Variants in CSF3R observed in about 807,000 individuals in gnomAD.
CSF3R encodes granulocyte colony-stimulating factor receptor.
A neutral mutation model predicts 84.4 loss-of-function variants in CSF3R; 52 were observed. That is an observed-to-expected ratio of 0.62 (90% confidence interval 0.49 to 0.78). The LOEUF is 0.78. CSF3R is among the 30% of genes least tolerant of loss of function. The probability of loss-of-function intolerance (pLI) is 0.00; values close to 1 mark genes in which losing one functional copy is unlikely to be tolerated. For missense variants in CSF3R, 890 were observed against 1,055.7 expected (o/e 0.84, Z 2.17); for synonymous variants, 384 against 429.1 (o/e 0.89, Z 1.30).
intron 3 of CSF3R, among the ~76,000 whole-genome samples, chr1:36,478,486 G>A (rs190633880): frequency 2.6e-5 from 4 of 152,076 alleles, no homozygotes; most frequent in East Asian, 3.9e-4. Context: ...CTGAGATCCC[G>A]CTACTGTACT....
At chr1:36,473,182 T>C (rs1311735330) in intron 6 of CSF3R, 4 of 561,412 alleles carry the variant, frequency 7.1e-6, no homozygotes, top group Admixed American at 3.1e-5. Context: ...TAACATGTAG[T>C]GGGTGCTTTA....
At position 36,472,718 on chromosome 1, in the gene CSF3R, C is replaced by G; in HGVS notation, c.674-32G>C. ...GGAGTGGGGCTGTCAGAAGGTCTCC[C>G]TATCCCACCCTAGAGGGCTCTGCCT... is the stretch of plus-strand genomic sequence containing the variant. On this transcript the variant is annotated intron_variant, in intron 6 of 16. Coordinates refer to ENST00000373106, the MANE Select transcript of CSF3R (RefSeq NM_000760.4). This position sits in a 1 kb window ranked among gnomAD's most constrained non-coding sequence, Gnocchi z 5.0. 1.3e-6 allele frequency: 2 copies of G among 1,541,110 alleles called. No individual in the cohort carries two copies. The highest frequency in any genetic ancestry group is 1.8e-6 in the Non-Finnish European group (2 of 1,140,790).
In CSF3R at chr1:36,469,562, T is replaced by C. The variant is rs1021272735; in HGVS notation, c.1474+90A>G. The C allele has an allele frequency of 2.1e-6, 3 of 1,447,066 alleles. No individual in the cohort carries two copies. The South Asian group carries it at 3.4e-5, about 17-fold the overall frequency. The allele number at this position is 1,447,066 out of a possible 1,614,324, so 89.6% of individuals were successfully genotyped here. ...GAAAGGCTGGAGAATCCATGTCTCT[T>C]GGGCAGTTCAGGTTGTCCCATGCCT... On this transcript the variant is annotated intron_variant, in intron 11 of 16. Transcript: ENST00000373106.
intron 10 of CSF3R, 52 bp from the exon 11 acceptor site, chr1:36,469,892 T>C (rs776712667): frequency 5.0e-6 from 8 of 1,588,550 alleles, no homozygotes; most frequent in African/African-American, 1.3e-5. Flanking sequence ...ATGCAGGCCC[T>C]TGAGCCAGAA....
At chr1:36,471,763 G>T in intron 9 of CSF3R, 117 bp from the exon 10 acceptor site, 5 of 1,007,574 alleles carry the variant, frequency 5.0e-6, no homozygotes, top group Non-Finnish European at 6.0e-6. Context: ...TGGGGTCCAG[G>T]CTTCTCACCC....
chr1:36,466,892 T>C lies in CSF3R; in HGVS notation c.2041-65A>G, dbSNP rs750026198. 5.6e-6 allele frequency: 9 copies of C among 1,614,014 alleles called. No homozygotes were observed. In the Admixed American group the frequency reaches 1.5e-4, roughly 27 times the overall value. On this transcript the variant is annotated intron_variant, in intron 16 of 16. Transcript: ENST00000373106. This position sits in a 1 kb window ranked among gnomAD's most constrained non-coding sequence, Gnocchi z 4.6. The stretch of plus-strand genomic sequence containing the variant: ...AGATGTCTGCCCCAGCCACTGTCCC[T>C]GTCTGGGTCCGGGCAGCTGTGGGGA...
intron 13 of CSF3R, 44 bp from the exon 14 acceptor site, chr1:36,468,006 G>A (rs1348069770): frequency 2.5e-6 from 4 of 1,614,110 alleles, no homozygotes; most frequent in African/African-American, 1.3e-5. Flanking sequence ...TGGTAAAGCT[G>A]CCTCCGTGGC....
rs1435148414 is a variant in CSF3R at position 36,466,526 on chromosome 1, G to T, written c.2342C>A (p.Thr781Asn). ...DSTQPLLAGL[T>N]PSPKSYENLW... ...GTTCTCATAGGACTTGGGGCTGGGG[G>T]TGAGGCCCGCCAAGAGGGGCTGAGT... Residue 781 changes from threonine (T) to asparagine (N), a missense_variant, in exon 17 of 17, where the codon ACC becomes AAC. Physicochemically the swap from Thr to Asn is moderately conservative, Grantham distance 65. Coordinates refer to ENST00000373106, the MANE Select transcript of CSF3R (RefSeq NM_000760.4). This position sits in a 1 kb window ranked among gnomAD's most constrained non-coding sequence, Gnocchi z 4.6. 6.8e-6 allele frequency: 11 copies of T among 1,609,902 alleles called. No individual in the cohort carries two copies. The highest frequency in any genetic ancestry group is 9.3e-6 in the Non-Finnish European group (11 of 1,177,366).
chr1:36,473,963 T>A lies in CSF3R; in HGVS notation c.362-76A>T, dbSNP rs1026424785. 3.1e-6 allele frequency: 5 copies of A among 1,605,798 alleles called. No homozygotes were observed. The Admixed American group carries it at 6.7e-5, about 21-fold the overall frequency. On this transcript the variant is annotated intron_variant, in intron 4 of 16. Transcript: ENST00000373106. ...AGCTTCCTCTGGGACCAGCTGGCCC[T>A]GTTGCCTTGCCCTGGCTTGGTTCCT...
intron 2 of CSF3R, among the ~76,000 whole-genome samples, chr1:36,480,947 G>A (rs187164088): frequency 3.3e-5 from 5 of 152,166 alleles, no homozygotes; most frequent in East Asian, 1.9e-4. Context: ...CCTGGATTTC[G>A]GCTCCAGTTA....
chr1:36,478,294 C>T (rs1223162982), intron 3 of CSF3R, among the ~76,000 whole-genome samples: 1 of 151,968 alleles, frequency 6.6e-6, no homozygotes, highest in Non-Finnish European at 1.5e-5. Context: ...TTTGGGAGGC[C>T]GAGGTGAGTG....
chr1:36,466,333 C>G lies in CSF3R; in HGVS notation c.*24G>C. On this transcript the variant is annotated 3_prime_UTR_variant, in exon 17 of 17. Transcript: ENST00000373106. This position sits in a 1 kb window ranked among gnomAD's most constrained non-coding sequence, Gnocchi z 4.6. ...TAGCTCAGGCCTTTAAGAGGCAGGC[C>G]CAAGAAGGGAACCCCAGGAAGCCCT... The G allele has an allele frequency of 6.2e-7, 1 of 1,612,254 alleles. No homozygotes were observed. The highest frequency in any genetic ancestry group is 8.5e-7 in the Non-Finnish European group (1 of 1,179,878).
rs1042916825 is a variant in CSF3R at position 36,471,473 on chromosome 1, C to T, written c.1245G>A (p.Gly415=). Residue 415 remains glycine, a synonymous_variant, in exon 10 of 17, where the codon GGG becomes GGA. Transcript: ENST00000373106. ...EVALVAYNSA[G]TSRPTPVVFS... ...AGACCACCGGAGTGGGACGAGAGGT[C>T]CCGGCTGAGTTATAGGCCACAAGGG... 1 of 1,614,112 alleles carries T rather than the reference C, an allele frequency of 6.2e-7. No individual in the cohort carries two copies. Among genetic ancestry groups the T allele is most frequent in the African/African-American group, 1.3e-5 (1 of 74,952 alleles).
chr1:36,472,370 C>T lies in CSF3R; in HGVS notation c.865G>A (p.Ala289Thr). The T allele has an allele frequency of 6.2e-7, 1 of 1,614,092 alleles. No individual in the cohort carries two copies. Among genetic ancestry groups the T allele is most frequent in the Non-Finnish European group, 8.5e-7 (1 of 1,180,026 alleles). ...WALVGPLPLE[A>T]LQYELCGLLP... ...AGCCCGCAGAGCTCATACTGAAGGG[C>T]CTCCAAGGGGAGGGGGCCCACCTGG... The change falls in exon 8 of 17, where the codon GCC (alanine) becomes ACC (threonine). Residue 289 changes from alanine to threonine, a missense_variant. Coordinates refer to ENST00000373106, the MANE Select transcript of CSF3R (RefSeq NM_000760.4). The surrounding 1 kb of genome is among the most constrained non-coding windows in gnomAD (Gnocchi z 5.0).
At chr1:36,471,984 GAGTCCTA>G in intron 9 of CSF3R, 75 bp downstream of exon 9, 1 of 1,382,568 alleles carries the variant, frequency 7.2e-7, no homozygotes, top group Non-Finnish European at 1.0e-6. Context: ...AGACCTGTTG[GAGTCCTA>G]AGCCCCGGTT....
rs201991840 is a variant in CSF3R, at chr1:36,472,324, G to T, written c.911C>A (p.Thr304Asn). ...LCGLLPATAY[T>N]LQIRCIRWPL... ...CCAGCGGATGCAGCGTATCTGCAGG[G>T]TGTAGGCCGTGGCTGGGAGGAGCCC... The change falls in exon 8 of 17, where the codon ACC becomes AAC. Residue 304 changes from threonine (T) to asparagine (N), a missense_variant. Thr to Asn is a moderately conservative substitution (Grantham distance 65). Coordinates refer to ENST00000373106, the MANE Select transcript of CSF3R (RefSeq NM_000760.4). The surrounding 1 kb of genome is among the most constrained non-coding windows in gnomAD (Gnocchi z 5.0). 4 of 1,614,096 alleles carry T rather than the reference G, an allele frequency of 2.5e-6. No homozygotes were observed. The highest frequency in any genetic ancestry group is 3.4e-6 in the Non-Finnish European group (4 of 1,180,038).
intron 1 of CSF3R, 48 bp downstream of exon 1, chr1:36,482,763 C>G (rs1440958037): frequency 6.6e-6 from 1 of 152,334 alleles, no homozygotes; most frequent in Non-Finnish European, 1.5e-5. Context: ...GATTCCAGCT[C>G]TCCATCAAGC....
chr1:36,468,621 C>A (rs1650500408), intron 12 of CSF3R: 1 of 211,214 alleles, frequency 4.7e-6, no homozygotes, highest in Non-Finnish European at 9.6e-6. Context: ...ACAGCCTCGA[C>A]CTCCTGGGCT....
In CSF3R at chr1:36,467,370, T is replaced by C; in HGVS notation, c.1959-59A>G. ...CACACCCTCCGATCTTTCCATTTTT[T>C]GTCCCACCCACCCCACCTGAAGAGG... On this transcript the variant is annotated intron_variant, in intron 15 of 16. Coordinates refer to ENST00000373106, the MANE Select transcript of CSF3R (RefSeq NM_000760.4). This position sits in a 1 kb window ranked among gnomAD's most constrained non-coding sequence, Gnocchi z 4.1. 6.4e-7 allele frequency: 1 copy of C among 1,569,316 alleles called. No individual in the cohort carries two copies. The highest frequency in any genetic ancestry group is 8.8e-7 in the Non-Finnish European group (1 of 1,139,746).
Sources: gnomAD v4.1 joint callset for allele counts (sites outside exome capture counted in the v4.1 genomes callset) on GRCh38, gnomAD v4.1.1 for gene constraint, Gnocchi (gnomAD v3.1) non-coding constraint, MANE v1.5 for transcripts, NCBI Gene and HGNC (gene_info 2026-07-23, HGNC 2026-07-21) for gene names.